USP39: variants seen among roughly 807,000 people sequenced by gnomAD.
USP39 encodes ubiquitin carboxyl-terminal hydrolase 39.
In USP39, 38 loss-of-function variants were observed where a neutral mutation model predicts 66.4. That is an observed-to-expected ratio of 0.57 (90% CI 0.44 to 0.75). USP39 has a LOEUF of 0.75. Among genes scored for constraint, USP39 ranks in the 30% least tolerant of loss-of-function variants. The pLI is 0.00. For synonymous variants in USP39, 303 were observed against 274.6 expected (o/e 1.10, Z -1.02); for missense variants, 608 against 714.4 (o/e 0.85, Z 1.70).
At chr2:85,609,750 C>T (rs928551309), upstream of USP39, among the ~76,000 whole-genome samples, 9 of 152,336 alleles carry the variant, frequency 5.9e-5, no homozygotes, top group East Asian at 3.9e-4. Context: ...GGTGCAATCT[C>T]GGCTCACTGC....
intron 10 of USP39, among the ~76,000 whole-genome samples, chr2:85,644,303 G>C (rs1008750273): frequency 6.6e-6 from 1 of 151,936 alleles, no homozygotes; most frequent in Non-Finnish European, 1.5e-5. Flanking sequence ...ATTTTACCTT[G>C]TATTGTGTAA....
chr2:85,609,535 C>A (rs2104148186), upstream of USP39: 1 of 1,614,214 alleles, frequency 6.2e-7, no homozygotes, highest in Non-Finnish European at 8.5e-7. Context: ...TCCACTACTG[C>A]TGCTTTCACC....
intron 5 of USP39, 63 bp downstream of exon 5, chr2:85,625,754 C>T: frequency 6.3e-7 from 1 of 1,577,418 alleles, no homozygotes; most frequent in Non-Finnish European, 8.7e-7. Flanking sequence ...CACAGTGGCT[C>T]ACCCCTGTAA....
chr2:85,607,782 GA>G (rs1202060121), upstream of USP39: 6 of 152,212 alleles, frequency 3.9e-5, no homozygotes, highest in African/African-American at 1.4e-4. Context: ...TGATATGCTG[GA>G]AAACAAGTGC....
intron 1 of USP39, among the ~76,000 whole-genome samples, chr2:85,617,180 C>T (rs960958647): frequency 2.8e-5 from 4 of 143,166 alleles, no homozygotes; most frequent in Non-Finnish European, 6.1e-5. Context: ...TCTCGAACTC[C>T]TGGACTCAAG....
At chr2:85,617,958 C>T (rs201403186) in intron 1 of USP39, among the ~76,000 whole-genome samples, 1 of 144,452 alleles carries the variant, frequency 6.9e-6, no homozygotes, top group South Asian at 2.2e-4. Context: ...CATGTACATT[C>T]TTTTTTTTTT....
At chr2:85,622,541 T>C (rs998203230) in intron 3 of USP39, among the ~76,000 whole-genome samples, 2 of 151,692 alleles carry the variant, frequency 1.3e-5, no homozygotes, top group Non-Finnish European at 2.9e-5. Flanking sequence ...TGTGAGCCAT[T>C]GCACCCTGCT....
chr2:85,624,430 C>T (rs994940668), intron 4 of USP39, among the ~76,000 whole-genome samples: 2 of 151,944 alleles, frequency 1.3e-5, no homozygotes, highest in South Asian at 2.1e-4. Context: ...ACTGCAGCCT[C>T]GACCTCATGG....
chr2:85,637,477 C>T, intron 8 of USP39, 41 bp downstream of exon 8: 1 of 1,597,808 alleles, frequency 6.3e-7, no homozygotes, highest in Admixed American at 1.7e-5. Flanking sequence ...ATTCATATTG[C>T]TTGAGGGGAC....
rs1432122760 is a variant in USP39, at chr2:85,630,923, A to C, written c.926A>C (p.Lys309Thr). The change falls in exon 6 of 13, where the codon AAG becomes ACG. Residue 309 changes from lysine (K) to threonine (T), a missense_variant. By Grantham distance (78) the Lys-to-Thr change is moderately conservative. Around this residue, in one of 6 missense-constraint regions of USP39, gnomAD observed 72 missense variants for 60.1 expected, o/e 1.20. Transcript: ENST00000323701. Reference protein sequence around the residue: ...MLQAVVLCSKKTFQITKQGDG... With the variant: ...MLQAVVLCSKTTFQITKQGDG... Reference sequence around the variant, plus strand: ...CAGGCAGTTGTACTTTGCAGTAAGAAGACTTTTCAGATCACCAAACAAGGT... The same window carrying C: ...CAGGCAGTTGTACTTTGCAGTAAGACGACTTTTCAGATCACCAAACAAGGT... 4 of 1,614,164 alleles carry C rather than the reference A, an allele frequency of 2.5e-6. No homozygotes were observed. Among genetic ancestry groups the C allele is most frequent in the East Asian group, 2.2e-5 (1 of 44,888 alleles).
At chr2:85,621,964 C>T (rs1451402510) in intron 3 of USP39, among the ~76,000 whole-genome samples, 3 of 152,048 alleles carry the variant, frequency 2.0e-5, no homozygotes, top group African/African-American at 7.2e-5. Flanking sequence ...AGATTACAGG[C>T]GCCTGCCACC....
At chr2:85,617,272 C>T (rs899161016) in intron 1 of USP39, among the ~76,000 whole-genome samples, 1 of 152,156 alleles carries the variant, frequency 6.6e-6, no homozygotes, top group Non-Finnish European at 1.5e-5. Flanking sequence ...GTTTTTACAT[C>T]TAAGGTCTTG....
rs1157801052 is a variant in USP39 at position 85,641,092 on chromosome 2, T to C, written c.1401T>C (p.Asn467=). Residue 467 remains asparagine, a synonymous_variant, in exon 10 of 13, where the codon AAT becomes AAC. Coordinates refer to ENST00000323701, the MANE Select transcript of USP39 (RefSeq NM_006590.4). ...FTKNNFFVEK[N]PTIVNFPITN... ...AGAACAACTTCTTTGTTGAGAAGAA[T>C]CCAACTATTGTCAATTTCCCTATTA... 4 of 1,613,096 alleles carry C rather than the reference T, an allele frequency of 2.5e-6. No individual in the cohort carries two copies. The highest frequency in any genetic ancestry group is 3.4e-6 in the Non-Finnish European group (4 of 1,179,766).
intron 12 of USP39, among the ~76,000 whole-genome samples, chr2:85,648,373 C>A (rs1676807396): frequency 6.6e-6 from 1 of 152,146 alleles, no homozygotes; most frequent in Non-Finnish European, 1.5e-5. Context: ...GAGCCCCAGG[C>A]AGCTTTGTGA....
In USP39 at chr2:85,616,340, C is replaced by G. The variant is rs1000361529; in HGVS notation, c.145C>G (p.Arg49Gly). Residue 49 changes from arginine to glycine, a missense_variant, in exon 1 of 13, where the codon CGC (arginine) becomes GGC (glycine). By Grantham distance (125) the Arg-to-Gly change is moderately radical (BLOSUM62 -2). Coordinates refer to ENST00000323701, the MANE Select transcript of USP39 (RefSeq NM_006590.4). Reference sequence around the variant, plus strand: ...GGCGAGCTCCCGGGGCAGCCCTGTGCGCGTGAAGCGGGAGTTCGAGCCGGC... The same window carrying G: ...GGCGAGCTCCCGGGGCAGCCCTGTGGGCGTGAAGCGGGAGTTCGAGCCGGC... The part of the protein sequence containing the change: ...EAASSRGSPV[R>G]VKREFEPASA... 25 of 1,599,914 alleles carry G rather than the reference C, an allele frequency of 1.6e-5. No homozygotes were observed. The highest frequency in any genetic ancestry group is 2.0e-5 in the Non-Finnish European group (23 of 1,173,486).
intron 9 of USP39, among the ~76,000 whole-genome samples, chr2:85,640,759 C>T (rs962048608): frequency 2.0e-5 from 3 of 149,578 alleles, no homozygotes; most frequent in Admixed American, 6.7e-5. Flanking sequence ...AGGTGTGAGC[C>T]ACCAGGCCCG....
intron 5 of USP39, among the ~76,000 whole-genome samples, chr2:85,626,875 G>T (rs575720094): frequency 6.6e-6 from 1 of 151,600 alleles, no homozygotes; most frequent in South Asian, 2.1e-4. Flanking sequence ...CTGCCACTGT[G>T]CCTGGCTAAG....
In USP39 at chr2:85,639,777, A is replaced by G. The variant is rs17026518; in HGVS notation, c.1284+386A>G. Reference sequence around the variant, plus strand: ...TCATTTTATATGTAAGAATCACCACATGTATGTGACGTATTTATTATAAAT... The same window carrying G: ...TCATTTTATATGTAAGAATCACCACGTGTATGTGACGTATTTATTATAAAT... On this transcript the variant is annotated intron_variant, in intron 9 of 12. Transcript: ENST00000323701. 8.5e-3 allele frequency: 1,388 copies of G among 162,602 alleles called. 17 individuals carry two copies. The highest frequency in any genetic ancestry group is 0.031 in the Middle Eastern group (10 of 318). 10.1% of individuals were successfully genotyped at this position (162,602 alleles called of 1,614,324 possible).
At chr2:85,619,199 C>T (rs374929928) in intron 1 of USP39, 21 bp from the exon 2 acceptor site, 5 of 1,613,424 alleles carry the variant, frequency 3.1e-6, no homozygotes, top group South Asian at 1.1e-5. Context: ...TTTTCAAAGC[C>T]TGTGATGATT....
Sources: gnomAD v4.1 joint callset for allele counts (sites outside exome capture counted in the v4.1 genomes callset) on GRCh38, gnomAD v4.1.1 for gene constraint, gnomAD v4.1.1 regional missense constraint, MANE v1.5 for transcripts, NCBI Gene and HGNC (gene_info 2026-07-23, HGNC 2026-07-21) for gene names.